The following MKLN1 variants were observed in gnomAD, a reference collection of about 807,000 sequenced individuals.
MKLN1 encodes muskelin 1, also known as muskelin.
A neutral mutation model predicts 99.0 loss-of-function variants in MKLN1; 18 were observed. That is an observed-to-expected ratio of 0.18 (90% confidence interval 0.13 to 0.27). The LOEUF is 0.27. MKLN1 is among the 10% of genes least tolerant of loss of function. The pLI is 1.00. For synonymous variants in MKLN1, 288 were observed against 293.2 expected (o/e 0.98, Z 0.18); for missense variants, 621 against 875.9 (o/e 0.71, Z 3.67).
At chr7:131,237,717 G>C (rs997098624) in intron 3 of MKLN1, among the ~76,000 whole-genome samples, 1 of 152,182 alleles carries the variant, frequency 6.6e-6, no homozygotes, top group Non-Finnish European at 1.5e-5. Context: ...ATAGACCTGG[G>C]TGTGCCCAGA....
intron 11 of MKLN1, 45 bp from the exon 12 acceptor site, chr7:131,445,729 G>A: frequency 1.3e-6 from 2 of 1,517,644 alleles, no homozygotes; most frequent in African/African-American, 1.4e-5. Flanking sequence ...GTTCTTCATG[G>A]AAGTGATAAG....
chr7:131,202,532 C>T (rs917271542), intron 2 of MKLN1, among the ~76,000 whole-genome samples: 12 of 152,124 alleles, frequency 7.9e-5, no homozygotes, highest in Admixed American at 5.2e-4. Context: ...CCTGAGCCAC[C>T]GCGGCTCCCT....
intron 3 of MKLN1, among the ~76,000 whole-genome samples, chr7:131,256,324 A>T (rs901236551): frequency 6.6e-6 from 1 of 152,264 alleles, no homozygotes; most frequent in Non-Finnish European, 1.5e-5. Context: ...TGCAAGAAAC[A>T]GGTTCTTCAG....
intron 3 of MKLN1, among the ~76,000 whole-genome samples, chr7:131,212,430 C>T (rs574290070): frequency 6.6e-6 from 1 of 152,298 alleles, no homozygotes; most frequent in South Asian, 2.1e-4. Context: ...GTCACTTTTC[C>T]CTTCTCTAAC....
chr7:131,395,450 T>TTTTTATTTTATTTTATTTTA lies in MKLN1; in HGVS notation c.401-1786_401-1767dup, dbSNP rs56276107. 7.7e-3 allele frequency among the ~76,000 whole-genome samples: 1,028 copies of TTTTTATTTTATTTTATTTTA among 134,266 alleles called. 30 individuals carry two copies. Among genetic ancestry groups the TTTTTATTTTATTTTATTTTA allele is most frequent in the African/African-American group, 0.024 (849 of 35,284 alleles). 88.1% of individuals were successfully genotyped at this position (134,266 alleles called of 152,430 possible). A position where few individuals can be genotyped will look rare whatever the true frequency, so the allele number is the denominator to read the frequency against. On this transcript the variant is annotated intron_variant, in intron 4 of 17. Coordinates refer to ENST00000352689, the MANE Select transcript of MKLN1 (RefSeq NM_013255.5). ...TTTTCTGTGCCATTGGTAAAAATTATTTTTATTTTATTTTATTTTATTTTA... is the reference window on the plus strand; with the variant it reads ...TTTTCTGTGCCATTGGTAAAAATTATTTTTATTTTATTTTATTTTATTTTATTTTATTTTATTTTATTTTA...
chr7:131,362,028 G>GC (rs941969692), intron 1 of MKLN1, among the ~76,000 whole-genome samples: 7 of 152,084 alleles, frequency 4.6e-5, no homozygotes, highest in African/African-American at 1.7e-4. Context: ...TGTTAACTAT[G>GC]CCTTTAAACT....
chr7:131,339,095 T>A (rs1799330531), intron 1 of MKLN1, among the ~76,000 whole-genome samples: 1 of 152,254 alleles, frequency 6.6e-6, no homozygotes, highest in Non-Finnish European at 1.5e-5. Flanking sequence ...GTGTTAATTG[T>A]CTATTCATGT....
At chr7:131,419,168 C>A (rs367643220) in intron 8 of MKLN1, among the ~76,000 whole-genome samples, 1 of 148,854 alleles carries the variant, frequency 6.7e-6, no homozygotes, top group African/African-American at 2.5e-5. Context: ...AGTCTTTAAA[C>A]GGTGTGCAAA....
chr7:131,447,781 C>G (rs1796057891), intron 12 of MKLN1, among the ~76,000 whole-genome samples: 1 of 152,046 alleles, frequency 6.6e-6, no homozygotes, highest in South Asian at 2.1e-4. Flanking sequence ...TTATTTAGAC[C>G]CTACCATATA....
Position 131,488,181 on chromosome 7 carries a change from C to T in MKLN1, c.*453C>T, listed in dbSNP as rs1167303513. Reference sequence around the variant, plus strand: ...TCCCTTCCTATTTCACTTTGCCTCCCATCACACAACTGCGTGTAAATGGTG... The same window carrying T: ...TCCCTTCCTATTTCACTTTGCCTCCTATCACACAACTGCGTGTAAATGGTG... On this transcript the variant is annotated 3_prime_UTR_variant, in exon 18 of 18. Coordinates refer to ENST00000352689, the MANE Select transcript of MKLN1 (RefSeq NM_013255.5). 6.6e-6 allele frequency: 1 copy of T among 152,006 alleles called. No individual in the cohort carries two copies. The highest frequency in any genetic ancestry group is 1.9e-4 in the East Asian group (1 of 5,178). 9.4% of individuals were successfully genotyped at this position (152,006 alleles called of 1,614,324 possible). A position where few individuals can be genotyped will look rare whatever the true frequency, so the allele number is the denominator to read the frequency against.
intron 3 of MKLN1, among the ~76,000 whole-genome samples, chr7:131,246,607 G>A (rs1797493259): frequency 6.6e-6 from 1 of 151,504 alleles, no homozygotes; most frequent in Admixed American, 6.6e-5. Context: ...ACAATACTAA[G>A]GAAAATCCCC....
chr7:131,200,025 T>C (rs1796704567), intron 2 of MKLN1, among the ~76,000 whole-genome samples: 1 of 152,066 alleles, frequency 6.6e-6, no homozygotes, highest in South Asian at 2.1e-4. Context: ...TGTTGCTTTT[T>C]TTTGAGATGA....
chr7:131,284,181 G>A (rs74418667), intron 3 of MKLN1, among the ~76,000 whole-genome samples: 7,788 of 152,200 alleles, frequency 0.051, 484 homozygotes, highest in African/African-American at 0.15. Flanking sequence ...GCGCACTTCC[G>A]ACTTGACTAG....
intron 3 of MKLN1, among the ~76,000 whole-genome samples, chr7:131,315,911 T>C (rs1458987292): frequency 1.3e-5 from 2 of 152,162 alleles, no homozygotes. Context: ...GGCTTACAGA[T>C]AAAACTCTCA....
chr7:131,456,393 A>G (rs775290491), intron 12 of MKLN1, among the ~76,000 whole-genome samples: 9 of 152,214 alleles, frequency 5.9e-5, no homozygotes, highest in Non-Finnish European at 1.3e-4. Context: ...ACCCAGAGAA[A>G]TAAAATTGAG....
chr7:131,399,483 A>C (rs1299457166), intron 6 of MKLN1, 50 bp downstream of exon 6: 1 of 1,482,064 alleles, frequency 6.7e-7, no homozygotes, highest in Non-Finnish European at 9.2e-7. Context: ...CATACGGGAA[A>C]CTTTTTCTCA....
intron 3 of MKLN1, among the ~76,000 whole-genome samples, chr7:131,290,350 C>T (rs2116597832): frequency 6.6e-6 from 1 of 152,128 alleles, no homozygotes; most frequent in South Asian, 2.1e-4. Flanking sequence ...CTCTGTACAA[C>T]CCTGCTTTAT....
chr7:131,318,293 T>C (rs1400492952), intron 3 of MKLN1, among the ~76,000 whole-genome samples: 1 of 152,178 alleles, frequency 6.6e-6, no homozygotes, highest in African/African-American at 2.4e-5. Flanking sequence ...GAACTCAGGA[T>C]TAAGAAACTC....
intron 10 of MKLN1, among the ~76,000 whole-genome samples, chr7:131,442,558 AC>A (rs1305104737): frequency 1.3e-5 from 2 of 152,182 alleles, no homozygotes; most frequent in African/African-American, 2.4e-5. Flanking sequence ...GGAAAAAAAA[AC>A]AAATTATGAA....
Sources: gnomAD v4.1 joint callset for allele counts (sites outside exome capture counted in the v4.1 genomes callset) on GRCh38, gnomAD v4.1.1 for gene constraint, MANE v1.5 for transcripts, NCBI Gene and HGNC (gene_info 2026-07-23, HGNC 2026-07-21) for gene names.